Variants in SOX5 observed in about 807,000 individuals in gnomAD.
The protein encoded by SOX5 is SRY-box transcription factor 5, also known as transcription factor SOX-5.
A neutral mutation model predicts 92.0 loss-of-function variants in SOX5; 9 were observed. That is an observed-to-expected ratio of 0.10 (90% confidence interval 0.06 to 0.17). The LOEUF is 0.17. Among genes scored for constraint, SOX5 ranks in the 10% least tolerant of loss-of-function variants. The pLI, the probability that SOX5 is intolerant of heterozygous loss-of-function variation, is 1.00. For synonymous variants in SOX5, 344 were observed against 336.3 expected (o/e 1.02, Z -0.25); for missense variants, 642 against 944.5 (o/e 0.68, Z 4.20).
Position 23,794,218 on chromosome 12 carries a change from G to A in SOX5, c.482-38494C>T, listed in dbSNP as rs187373276. Among the ~76,000 whole-genome samples, 688 of 151,760 alleles carry A rather than the reference G, an allele frequency of 4.5e-3. 14 individuals carry two copies. The highest frequency in any genetic ancestry group is 0.037 in the Admixed American group (568 of 15,154). On this transcript the variant is annotated intron_variant, in intron 3 of 14. Transcript: ENST00000451604. ...GTGCTGTTTACTGGTTTATTTTAGTGAACAGAAAAATAAGTATTTATACGC... is the reference window on the plus strand; with the variant it reads ...GTGCTGTTTACTGGTTTATTTTAGTAAACAGAAAAATAAGTATTTATACGC...
At chr12:24,057,279 A>C (rs1958232212) in intron 4 of SOX5, among the ~76,000 whole-genome samples, 1 of 152,144 alleles carries the variant, frequency 6.6e-6, no homozygotes, top group African/African-American at 2.4e-5. Flanking sequence ...ATGTAAACTA[A>C]AACTATTAAG....
chr12:24,034,860 T>C (rs1428465270), intron 4 of SOX5, among the ~76,000 whole-genome samples: 2 of 152,108 alleles, frequency 1.3e-5, no homozygotes, highest in Non-Finnish European at 2.9e-5. Context: ...TAGGCTGTCT[T>C]GAAACCGTAC....
chr12:23,540,231 A>G (rs1341796409), intron 13 of SOX5, among the ~76,000 whole-genome samples: 11 of 151,798 alleles, frequency 7.2e-5, no homozygotes, highest in Admixed American at 7.2e-4. Flanking sequence ...AAAAGCAGAG[A>G]AGGAGGGATA....
At chr12:23,851,786 T>G (rs2096636586) in intron 2 of SOX5, among the ~76,000 whole-genome samples, 1 of 151,956 alleles carries the variant, frequency 6.6e-6, no homozygotes, top group African/African-American at 2.4e-5. Context: ...GATAATACCT[T>G]TGTAAAACTG....
chr12:24,390,446 T>A (rs1263138982), intron 1 of SOX5, among the ~76,000 whole-genome samples: 4 of 152,206 alleles, frequency 2.6e-5, no homozygotes, highest in Non-Finnish European at 5.9e-5. Flanking sequence ...AATGTTTTTA[T>A]AGATTTAGGG....
At chr12:24,325,912 G>C (rs1950635942) in intron 2 of SOX5, among the ~76,000 whole-genome samples, 1 of 151,990 alleles carries the variant, frequency 6.6e-6, no homozygotes, top group Non-Finnish European at 1.5e-5. Flanking sequence ...GCGCGCGCGT[G>C]TGTGTGTATG....
intron 2 of SOX5, among the ~76,000 whole-genome samples, chr12:24,285,642 C>T (rs1270001506): frequency 6.6e-6 from 1 of 152,162 alleles, no homozygotes; most frequent in Non-Finnish European, 1.5e-5. Flanking sequence ...TGGTAGGTGG[C>T]AGCGACTAGT....
At chr12:24,345,085 C>T (rs1953073229) in intron 2 of SOX5, among the ~76,000 whole-genome samples, 1 of 152,124 alleles carries the variant, frequency 6.6e-6, no homozygotes, top group South Asian at 2.1e-4. Context: ...CTGGAGTGGT[C>T]AGTCATACTC....
At chr12:23,683,346 A>C (rs1371596112) in intron 6 of SOX5, among the ~76,000 whole-genome samples, 1 of 151,946 alleles carries the variant, frequency 6.6e-6, no homozygotes, top group African/African-American at 2.4e-5. Context: ...GGAATGCATC[A>C]GAATTTCAAA....
At chr12:24,130,022 A>T (rs759321033) in intron 4 of SOX5, among the ~76,000 whole-genome samples, 1 of 152,182 alleles carries the variant, frequency 6.6e-6, no homozygotes, top group Admixed American at 6.5e-5. Context: ...TATTTAAGAT[A>T]GTGTATATTG....
At chr12:23,763,016 C>G (rs1044968661) in intron 3 of SOX5, among the ~76,000 whole-genome samples, 1 of 152,070 alleles carries the variant, frequency 6.6e-6, no homozygotes, top group African/African-American at 2.4e-5. Context: ...ATATTAAATC[C>G]CAGCATTTCA....
intron 1 of SOX5, among the ~76,000 whole-genome samples, chr12:24,486,877 T>C (rs1042136548): frequency 6.6e-6 from 1 of 152,192 alleles, no homozygotes; most frequent in Admixed American, 6.5e-5. Context: ...AACATCTCCA[T>C]GTGTGTAGAC....
rs1943583956 is a variant in SOX5 at position 23,941,281 on chromosome 12, G to GC, written c.38+8282dup. 3.3e-5 allele frequency among the ~76,000 whole-genome samples: 5 copies of GC among 151,382 alleles called. No individual in the cohort carries two copies. The South Asian group carries it at 1.0e-3, about 31-fold the overall frequency. ...TTACTTATAAAAGTCCAAATATGTTGCCCCATCACTTTGATTCTTTAAATT... is the reference window on the plus strand; with the variant it reads ...TTACTTATAAAAGTCCAAATATGTTGCCCCCATCACTTTGATTCTTTAAATT... On this transcript the variant is annotated intron_variant, in intron 1 of 14. Coordinates refer to ENST00000451604, the MANE Select transcript of SOX5 (RefSeq NM_006940.6).
rs1302238078 is a variant in SOX5 at position 23,591,103 on chromosome 12, T to TA, written c.1164+13283dup. Among the ~76,000 whole-genome samples, 10 of 151,922 alleles carry TA rather than the reference T, an allele frequency of 6.6e-5. No homozygotes were observed. In the East Asian group the frequency reaches 9.6e-4, roughly 15 times the overall value. ...ATGTCTTATTTTATGTGCTCAATTCTAAAAAAATATATAGTTATACAAATG... is the reference window on the plus strand; with the variant it reads ...ATGTCTTATTTTATGTGCTCAATTCTAAAAAAAATATATAGTTATACAAATG... On this transcript the variant is annotated intron_variant, in intron 9 of 14. Coordinates refer to ENST00000451604, the MANE Select transcript of SOX5 (RefSeq NM_006940.6).
At chr12:23,757,354 T>A (rs376889774) in intron 3 of SOX5, among the ~76,000 whole-genome samples, 1 of 151,970 alleles carries the variant, frequency 6.6e-6, no homozygotes, top group African/African-American at 2.4e-5. Context: ...AATTTCTATA[T>A]GGTATTGGTT....
chr12:24,185,095 T>C lies in SOX5; in HGVS notation c.-2+28248A>G, dbSNP rs182770363. On this transcript the variant is annotated intron_variant, in intron 4 of 4. Transcript: ENST00000446891. The stretch of plus-strand genomic sequence containing the variant: ...CAGCCTGACACTGCACTAGACACTC[T>C]GAAACACATTTTCTCACTTACCATT... Among the ~76,000 whole-genome samples, 779 of 152,254 alleles carry C rather than the reference T, an allele frequency of 5.1e-3. 5 individuals are homozygous for C. Among genetic ancestry groups the C allele is most frequent in the Non-Finnish European group, 6.4e-3 (432 of 68,004 alleles).
chr12:24,093,898 G>C (rs1387785672), intron 4 of SOX5, among the ~76,000 whole-genome samples: 1 of 151,984 alleles, frequency 6.6e-6, no homozygotes, highest in Non-Finnish European at 1.5e-5. Context: ...GTATTTTCAG[G>C]CATTCATTTT....
chr12:24,401,636 G>A (rs889425036), intron 1 of SOX5, among the ~76,000 whole-genome samples: 1 of 146,954 alleles, frequency 6.8e-6, no homozygotes, highest in Non-Finnish European at 1.5e-5. Context: ...ATTCTGCCCA[G>A]GAGTTGGAAG....
intron 2 of SOX5, among the ~76,000 whole-genome samples, chr12:23,894,355 G>A (rs1259384060): frequency 6.6e-6 from 1 of 152,048 alleles, no homozygotes; most frequent in Non-Finnish European, 1.5e-5. Context: ...AACTTCCCAC[G>A]TAGCTGGGAT....
Sources: allele counts gnomAD v4.1 joint callset (sites outside exome capture counted in the v4.1 genomes callset), GRCh38; gene constraint gnomAD v4.1.1; transcripts MANE v1.5; gene names NCBI Gene and HGNC (gene_info 2026-07-23, HGNC 2026-07-21).